AKAP13: variants seen among roughly 807,000 people sequenced by gnomAD.
AKAP13 encodes A-kinase anchoring protein 13.
A neutral mutation model predicts 264.5 loss-of-function variants in AKAP13; 80 were observed. The observed-to-expected ratio is 0.30, with a 90% CI of 0.25 to 0.36. The LOEUF is 0.36. Ranked by LOEUF, AKAP13 falls within the 10% of genes least tolerant of loss-of-function variation. The probability of loss-of-function intolerance (pLI) is 1.00; values close to 1 mark genes in which losing one functional copy is unlikely to be tolerated. For synonymous variants in AKAP13, 1,380 were observed against 1,250.2 expected (o/e 1.10, Z -2.19); for missense variants, 3,712 against 3,435.2 (o/e 1.08, Z -2.01).
intron 17 of AKAP13, among the ~76,000 whole-genome samples, chr15:85,699,061 C>T (rs751474833): frequency 1.3e-5 from 2 of 151,550 alleles, no homozygotes; most frequent in Non-Finnish European, 2.9e-5. Context: ...CAGAGCTCTC[C>T]AAGACATTTT....
At chr15:85,654,645 C>T (rs931610583) in intron 10 of AKAP13, among the ~76,000 whole-genome samples, 4 of 151,912 alleles carry the variant, frequency 2.6e-5, no homozygotes, top group African/African-American at 9.7e-5. Context: ...ATGGTGAAAC[C>T]CTGTGTCTAA....
At chr15:85,397,464 C>A (rs530167067) in intron 1 of AKAP13, among the ~76,000 whole-genome samples, 1 of 152,138 alleles carries the variant, frequency 6.6e-6, no homozygotes. Context: ...TGAGATACCT[C>A]GGGACTCAAA....
At chr15:85,483,637 A>AAAAAAAAC (rs1555434068) in intron 1 of AKAP13, among the ~76,000 whole-genome samples, 8 of 132,934 alleles carry the variant, frequency 6.0e-5, no homozygotes, top group East Asian at 4.2e-4. Flanking sequence ...CGTCTCAAAA[A>AAAAAAAAC]AAAAAAAAAA....
intron 1 of AKAP13, among the ~76,000 whole-genome samples, chr15:85,420,872 C>T (rs1276492441): frequency 1.3e-5 from 2 of 151,964 alleles, no homozygotes; most frequent in Non-Finnish European, 2.9e-5. Flanking sequence ...TTGCTTAAGT[C>T]CAGGAGTTTG....
chr15:85,693,625 A>G (rs2151640304), intron 17 of AKAP13, among the ~76,000 whole-genome samples, 174 bp downstream of exon 17: 2 of 152,370 alleles, frequency 1.3e-5, no homozygotes, highest in Middle Eastern at 3.4e-3. Context: ...TATAACATAC[A>G]GCCTATATTT....
At chr15:85,621,112 G>A (rs772914028) in intron 8 of AKAP13, among the ~76,000 whole-genome samples, 3 of 152,166 alleles carry the variant, frequency 2.0e-5, no homozygotes, top group Non-Finnish European at 4.4e-5. Context: ...AGGAAATAGT[G>A]GACCTATTTT....
intron 1 of AKAP13, among the ~76,000 whole-genome samples, chr15:85,434,463 C>G (rs1387827208): frequency 1.3e-5 from 2 of 152,208 alleles, no homozygotes; most frequent in Admixed American, 1.3e-4. Flanking sequence ...CTGGGTGGAG[C>G]CCACCACAGC....
At chr15:85,405,263 T>G (rs1005503349) in intron 1 of AKAP13, among the ~76,000 whole-genome samples, 2 of 152,350 alleles carry the variant, frequency 1.3e-5, no homozygotes, top group East Asian at 3.9e-4. Context: ...GGTGTTAGTC[T>G]TTCCCCTTTT....
chr15:85,411,072 G>T (rs1356021091), intron 1 of AKAP13, among the ~76,000 whole-genome samples: 1 of 152,134 alleles, frequency 6.6e-6, no homozygotes, highest in Non-Finnish European at 1.5e-5. Context: ...AGTCTGTGAG[G>T]TCAACACATG....
chr15:85,613,685 A>AT (rs2080785910), intron 8 of AKAP13, among the ~76,000 whole-genome samples: 1 of 67,212 alleles, frequency 1.5e-5, no homozygotes, highest in Non-Finnish European at 2.8e-5. Flanking sequence ...CGTCTAAAAA[A>AT]AAAAAAATAT....
At position 85,718,256 on chromosome 15, in the gene AKAP13, A is replaced by G; in HGVS notation, c.6001+97A>G. On this transcript the variant is annotated intron_variant, in intron 22 of 36. Coordinates refer to ENST00000394518, the MANE Select transcript of AKAP13 (RefSeq NM_007200.5). This position sits in a 1 kb window ranked among gnomAD's most constrained non-coding sequence, Gnocchi z 4.9. ...GACTATGAAAAATCAGTTTTTTAGT[A>G]TGTGGCTTCTTGAAAAGATTTCCTT... is the stretch of plus-strand genomic sequence containing the variant. The G allele has an allele frequency of 7.1e-7, 1 of 1,417,014 alleles. No individual in the cohort carries two copies. Among genetic ancestry groups the G allele is most frequent in the Non-Finnish European group, 9.7e-7 (1 of 1,035,464 alleles). 87.8% of individuals were successfully genotyped at this position (1,417,014 alleles called of 1,614,324 possible).
At chr15:85,609,688 G>A (rs1043319740) in intron 8 of AKAP13, among the ~76,000 whole-genome samples, 1 of 152,106 alleles carries the variant, frequency 6.6e-6, no homozygotes, top group Non-Finnish European at 1.5e-5. Flanking sequence ...TGCTGTTAAT[G>A]CTTTTCCTAC....
intron 2 of AKAP13, among the ~76,000 whole-genome samples, chr15:85,510,857 A>G (rs996030095): frequency 4.6e-5 from 7 of 152,218 alleles, no homozygotes; most frequent in African/African-American, 1.4e-4. Context: ...GAAATGGGAA[A>G]CAAGTATTTT....
intron 8 of AKAP13, among the ~76,000 whole-genome samples, chr15:85,611,028 A>G (rs758183021): frequency 1.6e-4 from 25 of 151,740 alleles, no homozygotes; most frequent in Non-Finnish European, 3.5e-4. Flanking sequence ...GTGAAATAGT[A>G]GAATATTTAA....
At chr15:85,555,393 G>C in intron 5 of AKAP13, 1 of 1,280,828 alleles carries the variant, frequency 7.8e-7, no homozygotes, top group Non-Finnish European at 1.0e-6. Context: ...CTTTAGGAGG[G>C]GTAACCAGGC....
chr15:85,585,868 C>G (rs543132389), intron 8 of AKAP13, 45 bp downstream of exon 8: 6 of 1,603,410 alleles, frequency 3.7e-6, no homozygotes, highest in South Asian at 1.1e-5. Context: ...ATGTGTTTAT[C>G]CTGTTCTGCT....
chr15:85,645,856 T>C lies in AKAP13; in HGVS notation c.4276T>C (p.Cys1426Arg), dbSNP rs1049408789. 89 of 1,612,732 alleles carry C rather than the reference T, an allele frequency of 5.5e-5. No individual in the cohort carries two copies. The highest frequency in any genetic ancestry group is 3.3e-4 in the Middle Eastern group (2 of 6,076). Residue 1426 changes from cysteine (C) to arginine (R), a missense_variant, in exon 10 of 37, where the codon TGT becomes CGT. Around this residue, in one of 3 missense-constraint regions of AKAP13, gnomAD observed 2,759 missense variants for 2,411.7 expected, o/e 1.14. Coordinates refer to ENST00000394518, the MANE Select transcript of AKAP13 (RefSeq NM_007200.5). The stretch of plus-strand genomic sequence containing the variant: ...CCTGGATGTTGGACTGGGCAGAGAG[T>C]GTACCTCAAAACAAGGTGTACTTAA... ...NFLDVGLGRE[C>R]TSKQGVLKRE...
rs1022321404 is a variant in AKAP13 at position 85,580,295 on chromosome 15, C to G, written c.2227C>G (p.Arg743Gly). 2 of 1,614,000 alleles carry G rather than the reference C, an allele frequency of 1.2e-6. No homozygotes were observed. Among genetic ancestry groups the G allele is most frequent in the African/African-American group, 2.7e-5 (2 of 74,892 alleles). ...CAAAGTGGTGGATAACAAAGGCCAACGAAAAGATGTGAAACTAGATAAACC... is the reference window on the plus strand; with the variant it reads ...CAAAGTGGTGGATAACAAAGGCCAAGGAAAAGATGTGAAACTAGATAAACC... ...PFKVVDNKGQ[R>G]KDVKLDKPLT... is the part of the protein sequence containing the mutation. The change falls in exon 7 of 37, where the codon CGA (arginine) becomes GGA (glycine). Residue 743 changes from arginine (R) to glycine (G), a missense_variant. This residue lies in a region of AKAP13 where 2,759 missense variants were observed against 2,411.7 expected (regional missense o/e 1.14). Coordinates refer to ENST00000394518, the MANE Select transcript of AKAP13 (RefSeq NM_007200.5).
chr15:85,512,011 C>T (rs2076440110), intron 2 of AKAP13, among the ~76,000 whole-genome samples: 1 of 152,092 alleles, frequency 6.6e-6, no homozygotes, highest in Non-Finnish European at 1.5e-5. Flanking sequence ...CCCTCACCCC[C>T]CATTTTTCTT....
Sources: allele counts gnomAD v4.1 joint callset (sites outside exome capture counted in the v4.1 genomes callset), GRCh38; gene constraint gnomAD v4.1.1; regional missense constraint gnomAD v4.1.1; non-coding constraint Gnocchi (gnomAD v3.1); transcripts MANE v1.5; gene names NCBI Gene and HGNC (gene_info 2026-07-23, HGNC 2026-07-21).